The following DLGAP2 variants were observed in gnomAD, a reference collection of about 807,000 sequenced individuals.
DLGAP2 encodes the protein DLG associated protein 2, also known as disks large-associated protein 2.
Under a neutral mutation model 100.3 loss-of-function variants are expected in DLGAP2, and 26 were observed. The observed-to-expected ratio is 0.26, with a 90% CI of 0.19 to 0.36. The LOEUF is 0.36. DLGAP2 is among the 10% of genes least tolerant of loss of function. The pLI, the probability that DLGAP2 is intolerant of heterozygous loss-of-function variation, is 1.00. For missense variants in DLGAP2, 1,858 were observed against 1,453.2 expected, an observed-to-expected ratio of 1.28 and a Z score of -4.53; for synonymous variants, 886 against 630.1, an observed-to-expected ratio of 1.41 and a Z score of -6.08.
At chr8:1,279,825 C>T (rs965650411) in intron 3 of DLGAP2, among the ~76,000 whole-genome samples, 8 of 152,202 alleles carry the variant, frequency 5.3e-5, no homozygotes, top group African/African-American at 1.9e-4. Context: ...CACCCACTCA[C>T]GGGAGGGACA....
At chr8:1,375,261 G>T (rs58832023) in intron 3 of DLGAP2, among the ~76,000 whole-genome samples, 25 of 68,466 alleles carry the variant, frequency 3.7e-4, no homozygotes, top group Admixed American at 7.7e-4. Flanking sequence ...TCAGAACTGA[G>T]CCCCCACCTC....
intron 2 of DLGAP2, among the ~76,000 whole-genome samples, chr8:1,121,489 C>T (rs1345884615): frequency 6.6e-6 from 1 of 152,146 alleles, no homozygotes; most frequent in Non-Finnish European, 1.5e-5. Context: ...GAACCCATGA[C>T]CTCCCATCCT....
chr8:1,553,454 G>A (rs1163115155), intron 5 of DLGAP2, among the ~76,000 whole-genome samples: 9 of 149,616 alleles, frequency 6.0e-5, no homozygotes, highest in South Asian at 4.1e-4. Context: ...TTTATTCGGC[G>A]TGTTCACGGT....
In DLGAP2 at chr8:812,840, C is replaced by T. The variant is rs1585890974; in HGVS notation, c.18+75015C>T. 2.6e-5 allele frequency among the ~76,000 whole-genome samples: 4 copies of T among 152,238 alleles called. 1 individual carries two copies. In the East Asian group the frequency reaches 7.7e-4, roughly 29 times the overall value. On this transcript the variant is annotated intron_variant, in intron 1 of 14. Transcript: ENST00000637795. Reference sequence around the variant, plus strand: ...AGCATGGGAGCAGCTGAATTCCAGGCACAATAGTGGTTATCCTAATGCACC... The same window carrying T: ...AGCATGGGAGCAGCTGAATTCCAGGTACAATAGTGGTTATCCTAATGCACC...
At chr8:951,220 T>C (rs1488584224) in intron 2 of DLGAP2, among the ~76,000 whole-genome samples, 1 of 152,206 alleles carries the variant, frequency 6.6e-6, no homozygotes, top group African/African-American at 2.4e-5. Flanking sequence ...TCTGATATTT[T>C]GTTACTTTAA....
At chr8:1,526,183 G>A (rs1298295022) in intron 4 of DLGAP2, among the ~76,000 whole-genome samples, 1 of 151,474 alleles carries the variant, frequency 6.6e-6, no homozygotes, top group African/African-American at 2.4e-5. Context: ...CCTGAACGCT[G>A]TTCCCTCCTC....
chr8:787,242 C>G lies in DLGAP2; in HGVS notation c.18+49417C>G, dbSNP rs142376975. On this transcript the variant is annotated intron_variant, in intron 1 of 14. Coordinates refer to ENST00000637795, the MANE Select transcript of DLGAP2 (RefSeq NM_001346810.2). ...CTTTCCTGTCTCAATCGCTCGTGTT[C>G]GAACGTTAGTAACTATGGCAGAGCC... Among the ~76,000 whole-genome samples the G allele has an allele frequency of 5.8e-3, 879 of 152,176 alleles. 9 individuals carry two copies. The highest frequency in any genetic ancestry group is 0.02 in the African/African-American group (823 of 41,526).
At chr8:1,146,616 C>G (rs57856460) in intron 2 of DLGAP2, among the ~76,000 whole-genome samples, 1 of 151,824 alleles carries the variant, frequency 6.6e-6, no homozygotes, top group Non-Finnish European at 1.5e-5. Flanking sequence ...TGTGCATGCA[C>G]GTGTGTGCAT....
At chr8:1,128,662 C>G (rs569978825) in intron 2 of DLGAP2, among the ~76,000 whole-genome samples, 2 of 152,240 alleles carry the variant, frequency 1.3e-5, no homozygotes, top group African/African-American at 4.8e-5. Context: ...GAACCTGTCC[C>G]TGGTGTTAAG....
intron 2 of DLGAP2, among the ~76,000 whole-genome samples, chr8:1,249,198 A>T (rs982218187): frequency 6.6e-6 from 1 of 152,160 alleles, no homozygotes; most frequent in Non-Finnish European, 1.5e-5. Flanking sequence ...GAATGGCAAG[A>T]ACTCCACAGG....
chr8:987,934 T>C (rs915236481), intron 2 of DLGAP2, among the ~76,000 whole-genome samples: 2 of 152,212 alleles, frequency 1.3e-5, no homozygotes, highest in African/African-American at 4.8e-5. Context: ...TCTCCGTATG[T>C]ATTAAGGAGA....
chr8:1,452,100 G>A (rs968131759), intron 3 of DLGAP2, among the ~76,000 whole-genome samples: 1 of 152,268 alleles, frequency 6.6e-6, no homozygotes, highest in Non-Finnish European at 1.5e-5. Context: ...TGGTTGTAGC[G>A]AACACATGCA....
chr8:1,548,720 C>A lies in DLGAP2; in HGVS notation c.267C>A (p.Thr89=). The change falls in exon 5 of 15, where the codon ACC becomes ACA. Residue 89 remains threonine, a synonymous_variant. Coordinates refer to ENST00000637795, the MANE Select transcript of DLGAP2 (RefSeq NM_001346810.2). ...RSMKGLSGSR[T]QPPLCSGHTC... ...TGAAGGGCCTTTCCGGAAGTCGGAC[C>A]CAGCCGCCGCTGTGTTCCGGGCACA... The A allele has an allele frequency of 1.2e-6, 2 of 1,606,894 alleles. No homozygotes were observed. The highest frequency in any genetic ancestry group is 1.7e-6 in the Non-Finnish European group (2 of 1,178,108).
At chr8:1,095,998 T>A (rs1804354078) in intron 2 of DLGAP2, among the ~76,000 whole-genome samples, 1 of 152,178 alleles carries the variant, frequency 6.6e-6, no homozygotes, top group African/African-American at 2.4e-5. Context: ...ATGATTTTTT[T>A]AAGGAATCAA....
intron 2 of DLGAP2, among the ~76,000 whole-genome samples, chr8:953,069 C>A (rs1307760175): frequency 6.6e-6 from 1 of 152,208 alleles, no homozygotes; most frequent in Non-Finnish European, 1.5e-5. Flanking sequence ...AGATCCTATA[C>A]AACATGGAAA....
intron 1 of DLGAP2, among the ~76,000 whole-genome samples, chr8:895,826 G>C (rs1264312691): frequency 7.7e-6 from 1 of 130,304 alleles, no homozygotes; most frequent in South Asian, 3.0e-4. Context: ...GGCTAGGTAG[G>C]TGTGGGGCAG....
At chr8:884,814 G>A (rs1159298728) in intron 1 of DLGAP2, among the ~76,000 whole-genome samples, 1 of 152,268 alleles carries the variant, frequency 6.6e-6, no homozygotes, top group East Asian at 1.9e-4. Context: ...TGTATAAGGT[G>A]TAAGGAAGGG....
intron 2 of DLGAP2, among the ~76,000 whole-genome samples, chr8:1,200,838 C>T (rs1037020405): frequency 8.5e-5 from 13 of 152,362 alleles, no homozygotes; most frequent in East Asian, 1.9e-4. Flanking sequence ...CTTTGTTTTC[C>T]GTTCCCACAT....
At chr8:1,234,196 G>T (rs142178230) in intron 2 of DLGAP2, among the ~76,000 whole-genome samples, 2 of 152,220 alleles carry the variant, frequency 1.3e-5, no homozygotes, top group African/African-American at 4.8e-5. Flanking sequence ...GTCGTAGGTG[G>T]TGCACCTGTC....
Sources: allele counts gnomAD v4.1 joint callset (sites outside exome capture counted in the v4.1 genomes callset), GRCh38; gene constraint gnomAD v4.1.1; transcripts MANE v1.5; gene names NCBI Gene and HGNC (gene_info 2026-07-23, HGNC 2026-07-21).